The following KIF2A variants were observed in gnomAD, a reference collection of about 807,000 sequenced individuals.
KIF2A encodes the protein kinesin-like protein KIF2A.
KIF2A carries 22 observed loss-of-function variants against 100.2 expected under a neutral mutation model. That is an observed-to-expected ratio of 0.22 (90% confidence interval 0.16 to 0.31). The LOEUF (loss-of-function observed/expected upper bound fraction) is 0.31, where lower values mean the gene tolerates loss of function less well. KIF2A is among the 10% of genes least tolerant of loss of function. The pLI is 1.00. For synonymous variants in KIF2A, 268 were observed against 285.9 expected (o/e 0.94, Z 0.63); for missense variants, 495 against 898.7 (o/e 0.55, Z 5.74).
At position 62,325,156 on chromosome 5, in the gene KIF2A, G is replaced by A. The variant is rs577281125; in HGVS notation, c.64+18620G>A. ...TTTTCTTTTTTTGAGACAGAGTCTCGCTCTGTCACCCAGGCTCGAGTGCAG... is the reference window on the plus strand; with the variant it reads ...TTTTCTTTTTTTGAGACAGAGTCTCACTCTGTCACCCAGGCTCGAGTGCAG... On this transcript the variant is annotated intron_variant, in intron 1 of 20. Transcript: ENST00000407818. Among the ~76,000 whole-genome samples the A allele has an allele frequency of 2.7e-3, 416 of 151,662 alleles. 1 individual carries two copies. Among genetic ancestry groups the A allele is most frequent in the Non-Finnish European group, 4.2e-3 (282 of 67,940 alleles).
intron 17 of KIF2A, among the ~76,000 whole-genome samples, chr5:62,373,450 CA>C (rs1741405437): frequency 1.3e-5 from 2 of 151,730 alleles, no homozygotes; most frequent in Non-Finnish European, 2.9e-5. Context: ...ATTTAATTTA[CA>C]CAATAATTAT....
intron 1 of KIF2A, among the ~76,000 whole-genome samples, chr5:62,325,588 C>T (rs1422595033): frequency 6.6e-6 from 1 of 152,136 alleles, no homozygotes; most frequent in Non-Finnish European, 1.5e-5. Flanking sequence ...AAAACTGCAA[C>T]AAGACACCAT....
intron 1 of KIF2A, among the ~76,000 whole-genome samples, chr5:62,343,847 C>G (rs888897241): frequency 2.6e-5 from 4 of 152,122 alleles, no homozygotes; most frequent in African/African-American, 9.7e-5. Context: ...GTTTCTGGTA[C>G]ACATGAGGGT....
At chr5:62,346,556 A>G (rs567123456) in intron 1 of KIF2A, among the ~76,000 whole-genome samples, 2 of 152,230 alleles carry the variant, frequency 1.3e-5, no homozygotes, top group South Asian at 2.1e-4. Flanking sequence ...CCTGCGCGAT[A>G]TGGTGAAACC....
At chr5:62,330,344 G>T (rs545359474) in intron 1 of KIF2A, among the ~76,000 whole-genome samples, 1 of 151,616 alleles carries the variant, frequency 6.6e-6, no homozygotes, top group East Asian at 1.9e-4. Context: ...GTGAGAAAAA[G>T]AAAGAGAAAA....
chr5:62,312,611 A>G (rs1745609165), intron 1 of KIF2A, among the ~76,000 whole-genome samples: 1 of 152,190 alleles, frequency 6.6e-6, no homozygotes, highest in Non-Finnish European at 1.5e-5. Flanking sequence ...ACTAATTTTT[A>G]TTCTTCTGGT....
intron 1 of KIF2A, among the ~76,000 whole-genome samples, chr5:62,340,040 G>C (rs186159934): frequency 1.1e-3 from 172 of 150,724 alleles, no homozygotes; most frequent in African/African-American, 4.0e-3. Context: ...CCGGGTTCAA[G>C]CAATTCTGCA....
At chr5:62,368,670 G>T (rs1741193647) in intron 16 of KIF2A, among the ~76,000 whole-genome samples, 1 of 151,882 alleles carries the variant, frequency 6.6e-6, no homozygotes, top group African/African-American at 2.4e-5. Flanking sequence ...CCAGCCACTT[G>T]GGGGGCTGAG....
In KIF2A at chr5:62,363,203, C is replaced by T. The variant is rs767859496; in HGVS notation, c.1145C>T (p.Thr382Ile). ...GKVFDLLNRK[T>I]KLRVLEDGKQ... ...GTGTTTGACTTGCTAAACAGGAAAA[C>T]AAAATTAAGAGTTCTAGAAGATGGA... The change falls in exon 13 of 21, where the codon ACA becomes ATA. Residue 382 changes from threonine to isoleucine, a missense_variant. Transcript: ENST00000407818. 1 of 1,609,228 alleles carries T rather than the reference C, an allele frequency of 6.2e-7. No individual in the cohort carries two copies. Among genetic ancestry groups the T allele is most frequent in the East Asian group, 2.2e-5 (1 of 44,732 alleles).
chr5:62,339,222 CCACA>C (rs1747139226), intron 1 of KIF2A, among the ~76,000 whole-genome samples: 1 of 152,038 alleles, frequency 6.6e-6, no homozygotes, highest in Non-Finnish European at 1.5e-5. Context: ...GAGGGAGATG[CCACA>C]CACTTTTAAA....
intron 1 of KIF2A, among the ~76,000 whole-genome samples, chr5:62,317,820 A>G (rs766628398): frequency 3.2e-4 from 49 of 152,206 alleles, no homozygotes; most frequent in Middle Eastern, 3.2e-3. Context: ...ACAAAATAAT[A>G]AGTAGCTATT....
intron 1 of KIF2A, among the ~76,000 whole-genome samples, chr5:62,310,864 G>T (rs191450548): frequency 5.4e-5 from 8 of 149,284 alleles, no homozygotes; most frequent in African/African-American, 1.2e-4. Flanking sequence ...AGCTAGTTTG[G>T]TTTTTTTTTT....
intron 4 of KIF2A, 25 bp from the exon 5 acceptor site, chr5:62,352,563 T>G: frequency 6.7e-7 from 1 of 1,501,660 alleles, no homozygotes; most frequent in East Asian, 2.5e-5. Context: ...ATCCTGAATT[T>G]AAAATTTTTT....
chr5:62,328,320 GTT>G (rs11378518), intron 1 of KIF2A, among the ~76,000 whole-genome samples: 2 of 144,310 alleles, frequency 1.4e-5, no homozygotes, highest in Non-Finnish European at 1.5e-5. Context: ...GTACTGTGTG[GTT>G]TTTTTTTTTT....
At chr5:62,368,601 AC>A (rs1445346808) in intron 16 of KIF2A, among the ~76,000 whole-genome samples, 3 of 152,052 alleles carry the variant, frequency 2.0e-5, no homozygotes, top group East Asian at 3.9e-4. Flanking sequence ...ACATAGCAAA[AC>A]CCCGTCTCTA....
chr5:62,350,249 G>C (rs981581024), intron 4 of KIF2A, 129 bp downstream of exon 4: 4 of 603,742 alleles, frequency 6.6e-6, no homozygotes, highest in Non-Finnish European at 1.1e-5. Flanking sequence ...AATTTTAAGA[G>C]GTGCTTTTTT....
Position 62,352,531 on chromosome 5 carries a change from G to A in KIF2A, c.335-57G>A, listed in dbSNP as rs1747904534. The A allele has an allele frequency of 1.2e-5, 16 of 1,374,588 alleles. No homozygotes were observed. The South Asian group carries it at 2.2e-4, about 19-fold the overall frequency. The allele number at this position is 1,374,588 out of a possible 1,614,324, so 85.1% of individuals were successfully genotyped here. ...GGGGGCTATCTCTTCCTTTTACTAA[G>A]GTTAGCTTTTACTAATTTTCTATCC... On this transcript the variant is annotated intron_variant, in intron 4 of 20. Coordinates refer to ENST00000407818, the MANE Select transcript of KIF2A (RefSeq NM_001098511.3).
At position 62,380,784 on chromosome 5, in the gene KIF2A, T is replaced by C. The variant is rs143061747; in HGVS notation, c.2014-334T>C. ...GGTCTTCATCCTCATCATCTTCACA[T>C]TGAGTAGGCTGAGGAGGAAGAGGCA... On this transcript the variant is annotated intron_variant, in intron 19 of 20. Coordinates refer to ENST00000407818, the MANE Select transcript of KIF2A (RefSeq NM_001098511.3). Among the ~76,000 whole-genome samples the C allele has an allele frequency of 0.025, 3,852 of 152,234 alleles. 144 individuals are homozygous for C. Among genetic ancestry groups the C allele is most frequent in the African/African-American group, 0.085 (3,527 of 41,506 alleles).
intron 15 of KIF2A, among the ~76,000 whole-genome samples, 160 bp from the exon 16 acceptor site, chr5:62,366,254 T>C (rs1561276079): frequency 6.6e-6 from 1 of 152,202 alleles, no homozygotes; most frequent in Non-Finnish European, 1.5e-5. Context: ...TATCTGATTA[T>C]AGATATGATA....
Sources: gnomAD v4.1 joint callset for allele counts (sites outside exome capture counted in the v4.1 genomes callset) on GRCh38, gnomAD v4.1.1 for gene constraint, MANE v1.5 for transcripts, NCBI Gene and HGNC (gene_info 2026-07-23, HGNC 2026-07-21) for gene names.